Variants in CDC42SE2 observed in about 807,000 individuals in gnomAD.
CDC42SE2 encodes CDC42 small effector 2.
In CDC42SE2, 3 loss-of-function variants were observed where a neutral mutation model predicts 11.5. That is an observed-to-expected ratio of 0.26 (90% CI 0.12 to 0.67). The LOEUF (loss-of-function observed/expected upper bound fraction) is 0.67, where lower values mean the gene tolerates loss of function less well. Among genes scored for constraint, CDC42SE2 ranks in the 30% least tolerant of loss-of-function variants. The pLI is 0.80. For synonymous variants in CDC42SE2, 33 were observed against 34.8 expected, an observed-to-expected ratio of 0.95 and a Z score of 0.18; for missense variants, 82 against 106.8, an observed-to-expected ratio of 0.77 and a Z score of 1.02.
At chr5:131,375,963 G>C (rs945269016) in intron 3 of CDC42SE2, among the ~76,000 whole-genome samples, 2 of 152,104 alleles carry the variant, frequency 1.3e-5, no homozygotes, top group Non-Finnish European at 2.9e-5. Flanking sequence ...TCTTGGCCAG[G>C]CATGGTGGCT....
chr5:131,357,300 T>C (rs1749580320), intron 2 of CDC42SE2, among the ~76,000 whole-genome samples: 1 of 152,230 alleles, frequency 6.6e-6, no homozygotes, highest in South Asian at 2.1e-4. Context: ...TATTTTCCTG[T>C]ATGTTAGAGG....
At chr5:131,278,108 C>T (rs1293028759) in intron 1 of CDC42SE2, among the ~76,000 whole-genome samples, 1 of 152,102 alleles carries the variant, frequency 6.6e-6, no homozygotes, top group South Asian at 2.1e-4. Flanking sequence ...GCCTCAGCCA[C>T]CCAAGTAGCT....
intron 3 of CDC42SE2, among the ~76,000 whole-genome samples, chr5:131,377,641 A>C (rs1201676971): frequency 1.3e-5 from 2 of 152,314 alleles, no homozygotes; most frequent in East Asian, 3.9e-4. Flanking sequence ...CCTGTATTTT[A>C]ACAAACCTTC....
chr5:131,213,123 G>A, the CDC42SE2 span, among the ~76,000 whole-genome samples: 2 of 152,174 alleles, frequency 1.3e-5, no homozygotes, highest in Non-Finnish European at 2.9e-5. Context: ...AACCCAGGAG[G>A]CAGAGGTTGC....
intron 2 of CDC42SE2, among the ~76,000 whole-genome samples, chr5:131,344,488 A>T (rs1580768125): frequency 6.6e-6 from 1 of 152,222 alleles, no homozygotes; most frequent in Admixed American, 6.5e-5. Flanking sequence ...GAGTAGGTAA[A>T]AAGAGCGGCC....
chr5:131,391,144 C>A lies in CDC42SE2; in HGVS notation c.*53C>A. ...AGAGCTGGGGTCTGGACCTGACGGC[C>A]AGACATGGCCAGGCCAATAATAGTA... On this transcript the variant is annotated 3_prime_UTR_variant, in exon 5 of 5. Transcript: ENST00000505065. The A allele has an allele frequency of 8.2e-7, 1 of 1,222,310 alleles. No homozygotes were observed. The highest frequency in any genetic ancestry group is 1.8e-5 in the Admixed American group (1 of 54,548). 75.7% of individuals were successfully genotyped at this position (1,222,310 alleles called of 1,614,324 possible).
intron 2 of CDC42SE2, among the ~76,000 whole-genome samples, chr5:131,327,709 A>G (rs1758326080): frequency 6.6e-6 from 1 of 152,202 alleles, no homozygotes; most frequent in African/African-American, 2.4e-5. Flanking sequence ...GTATGAGGCT[A>G]CTTACGGATT....
At chr5:131,243,176 T>G (rs1756553802), upstream of CDC42SE2, among the ~76,000 whole-genome samples, 1 of 152,214 alleles carries the variant, frequency 6.6e-6, no homozygotes, top group South Asian at 2.1e-4. Context: ...GCAGATGAGT[T>G]CAGCAAGCAT....
At chr5:131,375,079 GGAATAT>G (rs1750114771) in intron 3 of CDC42SE2, among the ~76,000 whole-genome samples, 1 of 146,512 alleles carries the variant, frequency 6.8e-6, no homozygotes, top group African/African-American at 2.5e-5. Flanking sequence ...TTTCATACTT[GGAATAT>G]GTGACTTAAA....
intron 1 of CDC42SE2, among the ~76,000 whole-genome samples, chr5:131,251,048 A>T (rs1212085551): frequency 6.6e-6 from 1 of 152,222 alleles, no homozygotes; most frequent in Non-Finnish European, 1.5e-5. Context: ...TAAAAATTTC[A>T]TTAATTTTAA....
At chr5:131,257,297 A>T (rs529929370) in intron 2 of CDC42SE2, among the ~76,000 whole-genome samples, 18 of 152,002 alleles carry the variant, frequency 1.2e-4, no homozygotes, top group Non-Finnish European at 2.5e-4. Flanking sequence ...TGTTTTCACC[A>T]TGTTGGCCAG....
chr5:131,388,681 C>CAACA (rs1376246908), intron 4 of CDC42SE2, among the ~76,000 whole-genome samples: 1 of 152,146 alleles, frequency 6.6e-6, no homozygotes, highest in African/African-American at 2.4e-5. Flanking sequence ...TACATTGTCT[C>CAACA]AACACTGAAA....
the CDC42SE2 span, among the ~76,000 whole-genome samples, chr5:131,232,162 G>A: frequency 1.1e-4 from 17 of 151,960 alleles, no homozygotes; most frequent in African/African-American, 4.1e-4. Flanking sequence ...AGCCCAGGCT[G>A]GAGGGCAGTG....
intron 3 of CDC42SE2, among the ~76,000 whole-genome samples, chr5:131,381,322 G>T (rs1645815): frequency 0.018 from 2,594 of 146,292 alleles, 73 homozygotes; most frequent in African/African-American, 0.06. Context: ...GTTTTTTTTT[G>T]TTTTTTTTTT....
At chr5:131,212,134 G>A in the CDC42SE2 span, among the ~76,000 whole-genome samples, 2 of 151,916 alleles carry the variant, frequency 1.3e-5, no homozygotes, top group Non-Finnish European at 2.9e-5. Flanking sequence ...TTGAGACGGA[G>A]TGTCACTCTG....
upstream of CDC42SE2, among the ~76,000 whole-genome samples, chr5:131,262,625 A>C (rs11242069): frequency 0.44 from 66,934 of 151,890 alleles, 19,213 homozygotes; most frequent in African/African-American, 0.82. Flanking sequence ...CTCTAGGACC[A>C]CGACCAGTAC....
At chr5:131,385,255 G>GT (rs1395132219) in intron 3 of CDC42SE2, among the ~76,000 whole-genome samples, 3 of 152,134 alleles carry the variant, frequency 2.0e-5, no homozygotes, top group Non-Finnish European at 2.9e-5. Flanking sequence ...CATTTGTCTC[G>GT]TTTTTTAAAA....
At chr5:131,217,857 A>G in the CDC42SE2 span, among the ~76,000 whole-genome samples, 58 of 152,348 alleles carry the variant, frequency 3.8e-4, no homozygotes, top group South Asian at 0.012. Context: ...AATACTTCCA[A>G]CAAATAACAT....
chr5:131,345,479 C>T (rs1758816927), intron 2 of CDC42SE2, among the ~76,000 whole-genome samples: 1 of 152,092 alleles, frequency 6.6e-6, no homozygotes, highest in Non-Finnish European at 1.5e-5. Context: ...AACAAAGCCT[C>T]CAAGAAATAT....
Sources: allele counts gnomAD v4.1 joint callset (sites outside exome capture counted in the v4.1 genomes callset), GRCh38; gene constraint gnomAD v4.1.1; transcripts MANE v1.5; gene names NCBI Gene and HGNC (gene_info 2026-07-23, HGNC 2026-07-21).